SUPT3H: variants seen among roughly 807,000 people sequenced by gnomAD.
SUPT3H encodes transcription initiation protein SPT3 homolog.
SUPT3H carries 44 observed loss-of-function variants against 44.3 expected under a neutral mutation model. The ratio of observed to expected loss-of-function variants is 0.99; its 90% CI spans 0.78 to 1.28. The LOEUF is 1.28. Among genes scored for constraint, SUPT3H ranks in the 50% most tolerant of loss-of-function variants. The probability of loss-of-function intolerance (pLI) is 0.00; values close to 1 mark genes in which losing one functional copy is unlikely to be tolerated. For synonymous variants in SUPT3H, 124 were observed against 125.6 expected, an observed-to-expected ratio of 0.99 and a Z score of 0.09; for missense variants, 380 against 387.1, an observed-to-expected ratio of 0.98 and a Z score of 0.15.
intron 9 of SUPT3H, among the ~76,000 whole-genome samples, chr6:44,933,298 C>T (rs1055633127): frequency 1.5e-5 from 2 of 131,782 alleles, no homozygotes; most frequent in East Asian, 4.3e-4. Flanking sequence ...AAAACAAAAA[C>T]GAAACCAACA....
intron 2 of SUPT3H, among the ~76,000 whole-genome samples, chr6:45,281,631 G>A (rs1277957261): frequency 6.6e-6 from 1 of 152,172 alleles, no homozygotes; most frequent in Non-Finnish European, 1.5e-5. Context: ...AGCTCAAGGA[G>A]GCCTGCCTGC....
chr6:45,142,694 C>T (rs1275996198), intron 2 of SUPT3H, among the ~76,000 whole-genome samples: 1 of 122,894 alleles, frequency 8.1e-6, no homozygotes, highest in Non-Finnish European at 1.6e-5. Flanking sequence ...AGAGATTGTG[C>T]CATTGCACTC....
chr6:44,809,122 G>A (rs1424764720), downstream of SUPT3H, among the ~76,000 whole-genome samples: 1 of 152,186 alleles, frequency 6.6e-6, no homozygotes, highest in Non-Finnish European at 1.5e-5. Flanking sequence ...TTAAAAAACA[G>A]ATAGAGCACT....
rs150771150 is a variant in SUPT3H at position 45,134,220 on chromosome 6, C to T, written c.102-28214G>A. On this transcript the variant is annotated intron_variant, in intron 2 of 10. Transcript: ENST00000371459. Reference sequence around the variant, plus strand: ...AGAGTGCAAGGAAACAAGCGAGGGCCGAACTCACTATTATAACACTCTCAT... The same window carrying T: ...AGAGTGCAAGGAAACAAGCGAGGGCTGAACTCACTATTATAACACTCTCAT... Among the ~76,000 whole-genome samples the T allele has an allele frequency of 3.5e-4, 54 of 152,136 alleles. 1 individual carries two copies. Among genetic ancestry groups the T allele is most frequent in the African/African-American group, 1.2e-3 (50 of 41,512 alleles).
At chr6:44,898,162 A>C (rs940874803) in intron 10 of SUPT3H, among the ~76,000 whole-genome samples, 3 of 152,192 alleles carry the variant, frequency 2.0e-5, no homozygotes, top group East Asian at 3.8e-4. Context: ...CTCTTATCCT[A>C]AAGATTATAT....
intron 10 of SUPT3H, among the ~76,000 whole-genome samples, chr6:44,900,810 C>G (rs1015385432): frequency 6.6e-6 from 1 of 152,184 alleles, no homozygotes; most frequent in African/African-American, 2.4e-5. Flanking sequence ...GCCGGGTACT[C>G]CCCTGAGACA....
chr6:45,265,015 T>C (rs1016262532), intron 2 of SUPT3H, among the ~76,000 whole-genome samples: 15 of 152,184 alleles, frequency 9.9e-5, no homozygotes, highest in Non-Finnish European at 1.9e-4. Context: ...CTATGAAGTA[T>C]TGGAGTGAGA....
At chr6:44,925,136 T>C (rs1190002251) in intron 10 of SUPT3H, among the ~76,000 whole-genome samples, 1 of 152,182 alleles carries the variant, frequency 6.6e-6, no homozygotes, top group African/African-American at 2.4e-5. Flanking sequence ...CCTAAACTAA[T>C]GATATGAAAA....
intron 2 of SUPT3H, among the ~76,000 whole-genome samples, chr6:45,262,979 C>G (rs1260470506): frequency 1.3e-5 from 2 of 151,928 alleles, no homozygotes; most frequent in Non-Finnish European, 2.9e-5. Flanking sequence ...ATTAAAAAGT[C>G]AAAAAATAAT....
rs150107337 is a variant in SUPT3H, at chr6:45,108,356, T to C, written c.102-2350A>G. 2.8e-3 allele frequency among the ~76,000 whole-genome samples: 426 copies of C among 152,324 alleles called. 2 individuals carry two copies. The highest frequency in any genetic ancestry group is 4.6e-3 in the Non-Finnish European group (313 of 68,014). Reference sequence around the variant, plus strand: ...AGCCAGGCATGGCGGCATGCACCTGTAGTCAAGGACTATAATTGTCATGAT... The same window carrying C: ...AGCCAGGCATGGCGGCATGCACCTGCAGTCAAGGACTATAATTGTCATGAT... On this transcript the variant is annotated intron_variant, in intron 2 of 10. Transcript: ENST00000371459.
intron 6 of SUPT3H, among the ~76,000 whole-genome samples, chr6:44,998,523 T>C (rs1179813110): frequency 1.3e-5 from 2 of 151,900 alleles, no homozygotes; most frequent in Non-Finnish European, 2.9e-5. Flanking sequence ...TGTGGTCTTC[T>C]GTCAATAGCT....
At chr6:45,198,282 G>A (rs945844442) in intron 2 of SUPT3H, among the ~76,000 whole-genome samples, 1 of 151,102 alleles carries the variant, frequency 6.6e-6, no homozygotes, top group Non-Finnish European at 1.5e-5. Flanking sequence ...TACAAATACT[G>A]AGTGTCATTT....
chr6:44,831,581 A>ATTT (rs1699887931), intron 10 of SUPT3H, among the ~76,000 whole-genome samples: 1 of 152,190 alleles, frequency 6.6e-6, no homozygotes, highest in Admixed American at 6.5e-5. Context: ...GATATTTTAA[A>ATTT]TTTTATAACC....
chr6:44,974,924 T>C (rs1451349995), intron 6 of SUPT3H, among the ~76,000 whole-genome samples: 1 of 152,044 alleles, frequency 6.6e-6, no homozygotes, highest in East Asian at 1.9e-4. Flanking sequence ...GATGACCAGT[T>C]TATTGGGAGG....
rs190620082 is a variant in SUPT3H, at chr6:45,282,083, T to C, written c.101+83118A>G. 1.1e-3 allele frequency among the ~76,000 whole-genome samples: 174 copies of C among 152,174 alleles called. 1 individual carries two copies. The highest frequency in any genetic ancestry group is 1.9e-3 in the Non-Finnish European group (126 of 68,000). On this transcript the variant is annotated intron_variant, in intron 2 of 10. Coordinates refer to ENST00000371459, the MANE Select transcript of SUPT3H (RefSeq NM_003599.4). ...AAAGGACATCCACAACAAAAGCCCATCTGTACGTCACTATCATCAAAGACC... is the reference window on the plus strand; with the variant it reads ...AAAGGACATCCACAACAAAAGCCCACCTGTACGTCACTATCATCAAAGACC...
At chr6:45,151,497 G>A (rs1009848217) in intron 2 of SUPT3H, among the ~76,000 whole-genome samples, 1 of 152,040 alleles carries the variant, frequency 6.6e-6, no homozygotes, top group South Asian at 2.1e-4. Flanking sequence ...AGCCATTTAA[G>A]ACTATCACAC....
chr6:45,108,633 C>T (rs1799624871), intron 2 of SUPT3H, among the ~76,000 whole-genome samples: 1 of 151,970 alleles, frequency 6.6e-6, no homozygotes, highest in South Asian at 2.1e-4. Context: ...CATCAAAATC[C>T]AGCAACCACT....
chr6:45,022,741 C>T (rs72867450), intron 3 of SUPT3H, among the ~76,000 whole-genome samples: 4,450 of 152,010 alleles, frequency 0.029, 87 homozygotes, highest in African/African-American at 0.052. Flanking sequence ...CTCTTCTCTA[C>T]CAAGTGAAGA....
chr6:45,210,447 A>T (rs1763908453), intron 2 of SUPT3H, among the ~76,000 whole-genome samples: 1 of 152,170 alleles, frequency 6.6e-6, no homozygotes. Flanking sequence ...TCTTCAGTAA[A>T]AGGCTAAGAG....
Sources: allele counts gnomAD v4.1 joint callset (sites outside exome capture counted in the v4.1 genomes callset), GRCh38; gene constraint gnomAD v4.1.1; transcripts MANE v1.5; gene names NCBI Gene and HGNC (gene_info 2026-07-23, HGNC 2026-07-21).